VWC2L: variants seen among roughly 807,000 people sequenced by gnomAD.
The protein encoded by VWC2L is von Willebrand factor C domain containing 2 like, also known as von Willebrand factor C domain-containing protein 2-like.
A neutral mutation model predicts 21.6 loss-of-function variants in VWC2L; 10 were observed. The observed-to-expected ratio is 0.46, with a 90% CI of 0.29 to 0.78. VWC2L has a LOEUF of 0.78. Among genes scored for constraint, VWC2L ranks in the 30% least tolerant of loss-of-function variants. The pLI is 0.10. For missense variants in VWC2L, 209 were observed against 277.1 expected, an observed-to-expected ratio of 0.75 and a Z score of 1.74; for synonymous variants, 96 against 94.3, an observed-to-expected ratio of 1.02 and a Z score of -0.10.
chr2:214,431,003 T>G (rs9646849), intron 2 of VWC2L, among the ~76,000 whole-genome samples: 99,653 of 152,038 alleles, frequency 0.66, 34,179 homozygotes, highest in African/African-American at 0.87. Flanking sequence ...CAGGAACACT[T>G]AGGAGCATTT....
At chr2:214,564,471 G>GTT (rs11399388) in intron 3 of VWC2L, among the ~76,000 whole-genome samples, 312 of 150,860 alleles carry the variant, frequency 2.1e-3, no homozygotes, top group Middle Eastern at 0.01. Flanking sequence ...AAAAATTGAT[G>GTT]TTTTTTTTTA....
At chr2:214,508,712 G>A (rs1355486627) in intron 3 of VWC2L, among the ~76,000 whole-genome samples, 7 of 151,936 alleles carry the variant, frequency 4.6e-5, no homozygotes, top group Non-Finnish European at 7.4e-5. Context: ...TAAATTCCAA[G>A]GGCTCCTTCA....
rs1425666221 is a variant in VWC2L at position 214,578,251 on chromosome 2, GAA to G, written c.*2433_*2434del. 2.6e-5 allele frequency: 4 copies of G among 152,136 alleles called. No homozygotes were observed. The highest frequency in any genetic ancestry group is 9.7e-5 in the African/African-American group (4 of 41,450). The allele number at this position is 152,136 out of a possible 1,614,324, so 9.4% of individuals were successfully genotyped here. On this transcript the variant is annotated 3_prime_UTR_variant, in exon 4 of 4. Transcript: ENST00000312504. ...TTACTATGTCCTTTTTTAGAAAACA[GAA>G]AGAGAGTACAACTGGGAAGCTGAAG...
At chr2:214,496,241 A>AAC (rs1243230279) in intron 3 of VWC2L, among the ~76,000 whole-genome samples, 1 of 151,570 alleles carries the variant, frequency 6.6e-6, no homozygotes, top group Non-Finnish European at 1.5e-5. Flanking sequence ...AAGGTATTAC[A>AAC]ATCTTATGGG....
chr2:214,470,213 T>C (rs1574582409), intron 3 of VWC2L, among the ~76,000 whole-genome samples: 1 of 123,566 alleles, frequency 8.1e-6, no homozygotes, highest in South Asian at 2.2e-4. Context: ...TGATAAATGC[T>C]TTTTTTTTTT....
intron 3 of VWC2L, among the ~76,000 whole-genome samples, chr2:214,522,791 G>C (rs1363421086): frequency 6.6e-6 from 1 of 152,028 alleles, no homozygotes; most frequent in Non-Finnish European, 1.5e-5. Context: ...TATAGAATAA[G>C]AAGCCACTTT....
rs370388414 is a variant in VWC2L at position 214,490,085 on chromosome 2, G to A, written c.520+53327G>A. Among the ~76,000 whole-genome samples the A allele has an allele frequency of 3.4e-4, 51 of 151,976 alleles. No homozygotes were observed. In the South Asian group the frequency reaches 0.01, roughly 31 times the overall value. ...AAATAGCTGAGTGGAGTTTTCAGAA[G>A]CAAATGGATATAAGAGCAAATTCTG... is the stretch of plus-strand genomic sequence containing the variant. On this transcript the variant is annotated intron_variant, in intron 3 of 3. Coordinates refer to ENST00000312504, the MANE Select transcript of VWC2L (RefSeq NM_001080500.4).
intron 3 of VWC2L, among the ~76,000 whole-genome samples, chr2:214,547,076 G>T (rs1689719530): frequency 6.6e-6 from 1 of 152,138 alleles, no homozygotes; most frequent in Non-Finnish European, 1.5e-5. Flanking sequence ...CTAAAAAGAA[G>T]ACGGTCAGCT....
chr2:214,503,738 A>G (rs1688928027), intron 3 of VWC2L, among the ~76,000 whole-genome samples: 1 of 152,000 alleles, frequency 6.6e-6, no homozygotes, highest in Admixed American at 6.6e-5. Context: ...GAGAAAAAAA[A>G]AAAAACAGAA....
chr2:214,515,261 G>A (rs1689122523), intron 3 of VWC2L, among the ~76,000 whole-genome samples: 1 of 152,146 alleles, frequency 6.6e-6, no homozygotes, highest in Non-Finnish European at 1.5e-5. Context: ...TGGTTTCTTT[G>A]AGAAATCTCA....
At chr2:214,413,428 CTTGTA>C (rs1702306740) in intron 1 of VWC2L, among the ~76,000 whole-genome samples, 2 of 151,938 alleles carry the variant, frequency 1.3e-5, no homozygotes, top group Non-Finnish European at 2.9e-5. Flanking sequence ...ATGGAATTCT[CTTGTA>C]TTATTTATTA....
At chr2:214,546,780 T>C (rs1207559383) in intron 3 of VWC2L, among the ~76,000 whole-genome samples, 1 of 152,060 alleles carries the variant, frequency 6.6e-6, no homozygotes, top group Non-Finnish European at 1.5e-5. Context: ...ACAAGTGACA[T>C]GAGTGAAATG....
intron 2 of VWC2L, among the ~76,000 whole-genome samples, chr2:214,424,032 C>T (rs1702481289): frequency 6.6e-6 from 1 of 152,056 alleles, no homozygotes. Flanking sequence ...ACAAAAATCT[C>T]TAAACTGGCT....
At chr2:214,556,961 T>TA (rs1689882383) in intron 3 of VWC2L, among the ~76,000 whole-genome samples, 1 of 152,206 alleles carries the variant, frequency 6.6e-6, no homozygotes, top group African/African-American at 2.4e-5. Flanking sequence ...ATTGACTCTT[T>TA]AGTAATTACA....
At chr2:214,561,687 A>T (rs746269213) in intron 3 of VWC2L, among the ~76,000 whole-genome samples, 1 of 151,480 alleles carries the variant, frequency 6.6e-6, no homozygotes, top group Admixed American at 6.6e-5. Context: ...AACTGGGAGG[A>T]TCACCTGAGC....
At chr2:214,487,905 C>A (rs770712445) in intron 3 of VWC2L, among the ~76,000 whole-genome samples, 2 of 152,190 alleles carry the variant, frequency 1.3e-5, no homozygotes, top group Middle Eastern at 3.4e-3. Flanking sequence ...TCTCATAAAC[C>A]AAACAGTCAG....
rs749808402 is a variant in VWC2L, at chr2:214,575,757, C to T, written c.606C>T (p.Asn202=). The T allele has an allele frequency of 1.4e-5, 22 of 1,613,392 alleles. No individual in the cohort carries two copies. The highest frequency in any genetic ancestry group is 8.9e-5 in the East Asian group (4 of 44,866). ...VDECNICHCH[N]GDWWKPAQCS... is the part of the protein sequence containing the mutation. ...AATGTAACATCTGTCATTGTCACAA[C>T]GGGGACTGGTGGAAGCCTGCTCAGT... Residue 202 remains asparagine, a synonymous_variant, in exon 4 of 4, where the codon AAC becomes AAT. Transcript: ENST00000312504.
Position 214,414,558 on chromosome 2 carries a change from A to G in VWC2L, c.365A>G (p.Asn122Ser), listed in dbSNP as rs1341749172. ...AACTTCTGTGAATATCACGGGAAAAATTACAAAATCTTGGAGGAATTTAAG... is the reference window on the plus strand; with the variant it reads ...AACTTCTGTGAATATCACGGGAAAAGTTACAAAATCTTGGAGGAATTTAAG... ...VKNFCEYHGKNYKILEEFKPS... is the reference protein window; with the variant it reads ...VKNFCEYHGKSYKILEEFKPS... The change falls in exon 2 of 4, where the codon AAT becomes AGT. Residue 122 changes from asparagine (N) to serine (S), a missense_variant. Transcript: ENST00000312504. 6 of 1,612,920 alleles carry G rather than the reference A, an allele frequency of 3.7e-6. No homozygotes were observed. Among genetic ancestry groups the G allele is most frequent in the Non-Finnish European group, 5.1e-6 (6 of 1,179,542 alleles).
intron 2 of VWC2L, among the ~76,000 whole-genome samples, chr2:214,420,070 TAAGAA>T (rs2126171362): frequency 6.6e-6 from 1 of 152,054 alleles, no homozygotes; most frequent in East Asian, 1.9e-4. Flanking sequence ...AAAAAAGAAA[TAAGAA>T]AATTAAGCCG....
Sources: allele counts gnomAD v4.1 joint callset (sites outside exome capture counted in the v4.1 genomes callset), GRCh38; gene constraint gnomAD v4.1.1; transcripts MANE v1.5; gene names NCBI Gene and HGNC (gene_info 2026-07-23, HGNC 2026-07-21).